STIM2: variants seen among roughly 807,000 people sequenced by gnomAD.
STIM2 encodes the protein stromal interaction molecule 2.
Under a neutral mutation model 85.8 loss-of-function variants are expected in STIM2, and 31 were observed. That is an observed-to-expected ratio of 0.36 (90% CI 0.27 to 0.49). STIM2 has a LOEUF of 0.49. STIM2 is among the 20% of genes least tolerant of loss of function. STIM2 has a pLI of 0.98. For synonymous variants in STIM2, 356 were observed against 331.1 expected (o/e 1.08, Z -0.82); for missense variants, 841 against 927.6 (o/e 0.91, Z 1.21).
At chr4:26,953,398 T>C (rs994965619) in intron 2 of STIM2, among the ~76,000 whole-genome samples, 5 of 152,156 alleles carry the variant, frequency 3.3e-5, no homozygotes, top group African/African-American at 1.2e-4. Context: ...TGTAACCTTA[T>C]GTAGTAGACA....
intron 3 of STIM2, among the ~76,000 whole-genome samples, chr4:26,963,570 G>A (rs1022614453): frequency 6.6e-6 from 1 of 152,298 alleles, no homozygotes; most frequent in Non-Finnish European, 1.5e-5. Flanking sequence ...AAGTATGAGA[G>A]ACAACCTTTC....
intron 4 of STIM2, among the ~76,000 whole-genome samples, chr4:26,998,657 A>G (rs1486561116): frequency 6.6e-6 from 1 of 152,154 alleles, no homozygotes; most frequent in African/African-American, 2.4e-5. Context: ...TCATGCCTGT[A>G]ATCTCAGCAC....
chr4:26,982,990 AG>A (rs919426358), intron 3 of STIM2, among the ~76,000 whole-genome samples: 5 of 152,188 alleles, frequency 3.3e-5, no homozygotes, highest in African/African-American at 1.2e-4. Flanking sequence ...TACCTCTTTC[AG>A]GGGCCTGCCT....
intron 2 of STIM2, among the ~76,000 whole-genome samples, chr4:26,939,675 C>T (rs1046018839): frequency 6.6e-6 from 1 of 152,008 alleles, no homozygotes; most frequent in African/African-American, 2.4e-5. Flanking sequence ...AATTTTTATG[C>T]GTGGTTTTTG....
chr4:26,934,497 A>G (rs1291911070), intron 2 of STIM2, among the ~76,000 whole-genome samples: 1 of 152,204 alleles, frequency 6.6e-6, no homozygotes, highest in Non-Finnish European at 1.5e-5. Context: ...TTTCATGGCC[A>G]CTGTTTGCAG....
chr4:26,877,302 A>G (rs987541622), intron 1 of STIM2, among the ~76,000 whole-genome samples: 8 of 152,118 alleles, frequency 5.3e-5, no homozygotes, highest in Non-Finnish European at 1.2e-4. Context: ...TTTTAATTTT[A>G]GCATTGCCAT....
In STIM2 at chr4:27,007,549, A is replaced by T; in HGVS notation, c.998A>T (p.Lys333Ile). The change falls in exon 8 of 12, where the codon AAA becomes ATA. Residue 333 changes from lysine to isoleucine, a missense_variant. Physicochemically the swap from Lys to Ile is moderately radical, Grantham distance 102. This residue lies in a region of STIM2 where 408 missense variants were observed against 525.4 expected (regional missense o/e 0.78). Coordinates refer to ENST00000467087, the MANE Select transcript of STIM2 (RefSeq NM_020860.4). Reference sequence around the variant, plus strand: ...TTCTTCTAGGTTCGCATGGCTCTGAAAAAGGCCGAAAAAGAATTTGAACTG... The same window carrying T: ...TTCTTCTAGGTTCGCATGGCTCTGATAAAGGCCGAAAAAGAATTTGAACTG... The T allele has an allele frequency of 6.4e-7, 1 of 1,560,590 alleles. No individual in the cohort carries two copies. The highest frequency in any genetic ancestry group is 1.7e-4 in the Middle Eastern group (1 of 5,854).
chr4:26,994,633 T>C (rs1727890899), intron 3 of STIM2, among the ~76,000 whole-genome samples: 1 of 152,148 alleles, frequency 6.6e-6, no homozygotes, highest in Non-Finnish European at 1.5e-5. Flanking sequence ...TTATTGAAAT[T>C]AGAAAACTGT....
At chr4:26,994,470 A>G (rs1429221060) in intron 3 of STIM2, among the ~76,000 whole-genome samples, 1 of 152,112 alleles carries the variant, frequency 6.6e-6, no homozygotes, top group African/African-American at 2.4e-5. Context: ...GTCTAAGATG[A>G]TGACCCTTTC....
chr4:27,011,304 G>A (rs1013697728), intron 10 of STIM2, among the ~76,000 whole-genome samples: 1 of 152,136 alleles, frequency 6.6e-6, no homozygotes, highest in East Asian at 1.9e-4. Context: ...TGTTTATGTA[G>A]AGATGAATTA....
At chr4:26,948,834 T>C (rs1019410621) in intron 2 of STIM2, among the ~76,000 whole-genome samples, 5 of 152,134 alleles carry the variant, frequency 3.3e-5, no homozygotes, top group Non-Finnish European at 7.3e-5. Context: ...ATTAGTAGTC[T>C]TGGGATTATT....
At chr4:26,891,068 A>G (rs1231752634) in intron 1 of STIM2, among the ~76,000 whole-genome samples, 1 of 152,246 alleles carries the variant, frequency 6.6e-6, no homozygotes, top group African/African-American at 2.4e-5. Flanking sequence ...GTTCTGGGCC[A>G]CATTCAGAAC....
In STIM2 at chr4:26,920,848, A is replaced by C. The variant is rs1223297054; in HGVS notation, c.282+1214A>C. 2.0e-5 allele frequency among the ~76,000 whole-genome samples: 3 copies of C among 152,122 alleles called. No individual in the cohort carries two copies. The East Asian group carries it at 5.8e-4, about 29-fold the overall frequency. On this transcript the variant is annotated intron_variant, in intron 2 of 11. Coordinates refer to ENST00000467087, the MANE Select transcript of STIM2 (RefSeq NM_020860.4). ...CAAAATCTCAGTTTTGCTATTTTAA[A>C]TCTCTTGTTGTTCAGTTGCACCTCT...
intron 10 of STIM2, among the ~76,000 whole-genome samples, chr4:27,011,347 T>C (rs374035196): frequency 1.3e-5 from 2 of 152,252 alleles, no homozygotes; most frequent in Admixed American, 1.3e-4. Context: ...CCATAACTTA[T>C]ATGTTTATTT....
intron 11 of STIM2, 61 bp downstream of exon 11, chr4:27,018,045 A>T: frequency 5.9e-4 from 684 of 1,163,932 alleles, no homozygotes; most frequent in Non-Finnish European, 7.9e-4. Flanking sequence ...AGGTGTGAGG[A>T]GGGGGCGGGA....
intron 2 of STIM2, among the ~76,000 whole-genome samples, chr4:26,928,686 A>G (rs1257571437): frequency 6.6e-6 from 1 of 152,160 alleles, no homozygotes; most frequent in African/African-American, 2.4e-5. Flanking sequence ...TTAAATGCAC[A>G]TGTGCAAAGT....
intron 1 of STIM2, among the ~76,000 whole-genome samples, chr4:26,875,010 C>G (rs774404428): frequency 6.6e-6 from 1 of 152,184 alleles, no homozygotes; most frequent in African/African-American, 2.4e-5. Context: ...CGTTCCAGTA[C>G]TCACTAGTTT....
intron 1 of STIM2, among the ~76,000 whole-genome samples, chr4:26,862,089 G>C (rs1722232659): frequency 6.6e-6 from 1 of 152,164 alleles, no homozygotes; most frequent in Non-Finnish European, 1.5e-5. Flanking sequence ...GGGGCTTGCA[G>C]CTGGCAGCAC....
chr4:26,943,660 A>G (rs1303336450), intron 2 of STIM2, among the ~76,000 whole-genome samples: 2 of 152,094 alleles, frequency 1.3e-5, no homozygotes, highest in Non-Finnish European at 2.9e-5. Context: ...TCCAAGTGCT[A>G]GCAGCGCTCC....
Sources: allele counts gnomAD v4.1 joint callset (sites outside exome capture counted in the v4.1 genomes callset), GRCh38; gene constraint gnomAD v4.1.1; regional missense constraint gnomAD v4.1.1; transcripts MANE v1.5; gene names NCBI Gene and HGNC (gene_info 2026-07-23, HGNC 2026-07-21).